EPHB1: variants seen among roughly 807,000 people sequenced by gnomAD.
The protein encoded by EPHB1 is ephrin type-B receptor 1.
Under a neutral mutation model 94.4 loss-of-function variants are expected in EPHB1, and 30 were observed. That is an observed-to-expected ratio of 0.32 (90% CI 0.24 to 0.43). EPHB1 has a LOEUF of 0.43. Ranked by LOEUF, EPHB1 falls within the 20% of genes least tolerant of loss-of-function variation. The pLI is 1.00. For synonymous variants in EPHB1, 522 were observed against 489.1 expected, an observed-to-expected ratio of 1.07 and a Z score of -0.89; for missense variants, 1,055 against 1,308.3, an observed-to-expected ratio of 0.81 and a Z score of 2.99.
intron 3 of EPHB1, among the ~76,000 whole-genome samples, chr3:134,958,967 G>A (rs1338491259): frequency 6.6e-6 from 1 of 152,186 alleles, no homozygotes; most frequent in Non-Finnish European, 1.5e-5. Context: ...CTAGTGTTGA[G>A]CAAATAATCC....
chr3:134,933,160 T>G (rs972915353), intron 2 of EPHB1, among the ~76,000 whole-genome samples: 2 of 152,162 alleles, frequency 1.3e-5, no homozygotes, highest in African/African-American at 4.8e-5. Flanking sequence ...TTATCTCTTT[T>G]CTCTCTGTCT....
At position 134,954,323 on chromosome 3, in the gene EPHB1, G is replaced by C. The variant is rs1465752288; in HGVS notation, c.805+2271G>C. On this transcript the variant is annotated intron_variant, in intron 3 of 15. Coordinates refer to ENST00000398015, the MANE Select transcript of EPHB1 (RefSeq NM_004441.5). ...TGGGAAGACTCTGCACTCTTTGGTGGGGGGTGGGAAGTGCATTTGGAAGTA... is the reference window on the plus strand; with the variant it reads ...TGGGAAGACTCTGCACTCTTTGGTGCGGGGTGGGAAGTGCATTTGGAAGTA... Among the ~76,000 whole-genome samples the C allele has an allele frequency of 2.0e-5, 3 of 152,164 alleles. No individual in the cohort carries two copies. In the South Asian group the frequency reaches 6.2e-4, roughly 32 times the overall value.
chr3:135,243,438 A>C (rs1943843126), intron 13 of EPHB1, among the ~76,000 whole-genome samples: 1 of 152,148 alleles, frequency 6.6e-6, no homozygotes, highest in Non-Finnish European at 1.5e-5. Flanking sequence ...GACGTTTGAG[A>C]TGGGTCTCAG....
chr3:135,145,837 T>G (rs1559850244), intron 5 of EPHB1, among the ~76,000 whole-genome samples: 3 of 152,154 alleles, frequency 2.0e-5, no homozygotes, highest in Admixed American at 1.3e-4. Flanking sequence ...CTGGCTCCCT[T>G]TTCCACCTCA....
In EPHB1 at chr3:135,145,953, G is replaced by C. The variant is rs1486822569; in HGVS notation, c.1298-8199G>C. On this transcript the variant is annotated intron_variant, in intron 5 of 15. Transcript: ENST00000398015. ...AGAGCCCGCAATCATTGCAGTAAGA[G>C]TAAATTTTTGTTGAACATTTATTAT... 3.9e-5 allele frequency among the ~76,000 whole-genome samples: 6 copies of C among 152,318 alleles called. No individual in the cohort carries two copies. The South Asian group carries it at 8.3e-4, about 21-fold the overall frequency.
At chr3:134,909,911 G>A (rs954660595) in intron 1 of EPHB1, among the ~76,000 whole-genome samples, 2 of 152,172 alleles carry the variant, frequency 1.3e-5, no homozygotes, top group Non-Finnish European at 2.9e-5. Context: ...TCAGGTACAA[G>A]CCTCAGACTT....
At chr3:134,842,331 A>G (rs2036791937) in intron 1 of EPHB1, among the ~76,000 whole-genome samples, 1 of 152,186 alleles carries the variant, frequency 6.6e-6, no homozygotes, top group Admixed American at 6.5e-5. Flanking sequence ...ATTTTGTTAT[A>G]GCAGCCCAAA....
intron 3 of EPHB1, among the ~76,000 whole-genome samples, chr3:134,993,209 G>A (rs1328659937): frequency 6.6e-6 from 1 of 152,216 alleles, no homozygotes; most frequent in Admixed American, 6.5e-5. Context: ...CTGCCCTGCT[G>A]CCAAAGCAAG....
At chr3:135,101,256 C>T (rs183171193) in intron 3 of EPHB1, among the ~76,000 whole-genome samples, 3 of 152,294 alleles carry the variant, frequency 2.0e-5, no homozygotes, top group South Asian at 4.2e-4. Flanking sequence ...ACCTAATTTC[C>T]GTTCCTACTT....
chr3:134,837,134 G>C (rs917753966), intron 1 of EPHB1, among the ~76,000 whole-genome samples: 5 of 152,196 alleles, frequency 3.3e-5, no homozygotes, highest in Non-Finnish European at 7.3e-5. Flanking sequence ...TGCAGTTAAA[G>C]ACTGATCCTC....
intron 3 of EPHB1, among the ~76,000 whole-genome samples, chr3:135,068,206 G>A (rs1336165736): frequency 2.0e-5 from 3 of 152,058 alleles, no homozygotes; most frequent in African/African-American, 7.2e-5. Flanking sequence ...ACAGAGCTGC[G>A]ATCTAGCCCT....
At chr3:134,795,869 G>T (rs1034858284) in intron 1 of EPHB1, among the ~76,000 whole-genome samples, 180 bp downstream of exon 1, 1 of 152,208 alleles carries the variant, frequency 6.6e-6, no homozygotes, top group African/African-American at 2.4e-5. Context: ...GCACCCACCA[G>T]AGCGCCCCCG....
chr3:134,924,212 A>G (rs1030389524), intron 1 of EPHB1, among the ~76,000 whole-genome samples: 17 of 152,254 alleles, frequency 1.1e-4, no homozygotes, highest in African/African-American at 1.2e-4. Context: ...CAGACACAGC[A>G]CTAAACTGTA....
chr3:134,801,990 T>G (rs2035942720), intron 1 of EPHB1, among the ~76,000 whole-genome samples: 1 of 152,234 alleles, frequency 6.6e-6, no homozygotes, highest in Admixed American at 6.5e-5. Context: ...TGACTTAAAG[T>G]ACAGGAAGCA....
chr3:135,014,615 T>G (rs1449144335), intron 3 of EPHB1, among the ~76,000 whole-genome samples: 2 of 152,204 alleles, frequency 1.3e-5, no homozygotes, highest in Non-Finnish European at 2.9e-5. Context: ...TGCTAAACAC[T>G]GGGAAAACAT....
At chr3:135,041,962 T>G (rs936693611) in intron 3 of EPHB1, among the ~76,000 whole-genome samples, 9 of 152,106 alleles carry the variant, frequency 5.9e-5, no homozygotes, top group African/African-American at 2.2e-4. Context: ...TGAGACAGGG[T>G]CTCACTCTGT....
intron 13 of EPHB1, among the ~76,000 whole-genome samples, chr3:135,245,582 A>G (rs373124604): frequency 6.6e-6 from 1 of 150,564 alleles, no homozygotes; most frequent in African/African-American, 2.5e-5. Flanking sequence ...CCGAGGCGGG[A>G]GGATCACGGG....
chr3:135,060,941 C>G (rs907368950), intron 3 of EPHB1, among the ~76,000 whole-genome samples: 1 of 151,982 alleles, frequency 6.6e-6, no homozygotes, highest in Non-Finnish European at 1.5e-5. Context: ...CCTCCCAACA[C>G]CCTCACTACC....
intron 3 of EPHB1, among the ~76,000 whole-genome samples, chr3:134,966,848 A>G (rs1486343202): frequency 6.6e-6 from 1 of 152,260 alleles, no homozygotes; most frequent in Non-Finnish European, 1.5e-5. Flanking sequence ...TGCCCAGTGC[A>G]TGGCCAGGGG....
Sources: allele counts gnomAD v4.1 joint callset (sites outside exome capture counted in the v4.1 genomes callset), GRCh38; gene constraint gnomAD v4.1.1; transcripts MANE v1.5; gene names NCBI Gene and HGNC (gene_info 2026-07-23, HGNC 2026-07-21).